XKR4: variants seen among roughly 807,000 people sequenced by gnomAD.
The protein encoded by XKR4 is XK related 4.
XKR4 carries 12 observed loss-of-function variants against 53.9 expected under a neutral mutation model. That is an observed-to-expected ratio of 0.22 (90% CI 0.14 to 0.36). XKR4 has a LOEUF of 0.36. Among genes scored for constraint, XKR4 ranks in the 10% least tolerant of loss-of-function variants. The pLI, the probability that XKR4 is intolerant of heterozygous loss-of-function variation, is 1.00. For synonymous variants in XKR4, 354 were observed against 362.4 expected, an observed-to-expected ratio of 0.98 and a Z score of 0.26; for missense variants, 799 against 859.5, an observed-to-expected ratio of 0.93 and a Z score of 0.88.
intron 2 of XKR4, among the ~76,000 whole-genome samples, chr8:55,428,662 C>A (rs941913186): frequency 6.6e-6 from 1 of 152,228 alleles, no homozygotes; most frequent in African/African-American, 2.4e-5. Flanking sequence ...GGAGCCTGAA[C>A]TTCCACGCCC....
intron 2 of XKR4, chr8:55,455,036 T>G: frequency 1.3e-6 from 1 of 742,864 alleles, no homozygotes; most frequent in Admixed American, 1.9e-5. Context: ...GGCCTCCCAG[T>G]CCTTCTCCGG....
intron 1 of XKR4, among the ~76,000 whole-genome samples, chr8:55,330,148 A>G (rs970030554): frequency 2.6e-5 from 4 of 152,184 alleles, no homozygotes; most frequent in African/African-American, 4.8e-5. Context: ...GGTGATTTTT[A>G]ATTGACATAT....
intron 2 of XKR4, among the ~76,000 whole-genome samples, chr8:55,401,750 T>C (rs1804604568): frequency 6.6e-6 from 1 of 152,238 alleles, no homozygotes. Context: ...GATCCTCTTT[T>C]CACTCAAAGA....
At chr8:55,285,177 AT>A (rs1321372055) in intron 1 of XKR4, among the ~76,000 whole-genome samples, 3 of 152,142 alleles carry the variant, frequency 2.0e-5, no homozygotes, top group African/African-American at 4.8e-5. Flanking sequence ...CAATTCTCTA[AT>A]TTTTTTAATG....
intron 1 of XKR4, among the ~76,000 whole-genome samples, chr8:55,336,200 C>T (rs1322592998): frequency 1.3e-5 from 2 of 151,906 alleles, no homozygotes; most frequent in East Asian, 1.9e-4. Context: ...ATTATGGGGG[C>T]GGGTCTTTTC....
At chr8:55,519,532 G>A (rs1806769338) in intron 2 of XKR4, among the ~76,000 whole-genome samples, 1 of 151,696 alleles carries the variant, frequency 6.6e-6, no homozygotes, top group East Asian at 1.9e-4. Context: ...CAATGTCAGT[G>A]TCATAAAGTC....
chr8:55,521,466 A>G (rs1806796918), intron 2 of XKR4, among the ~76,000 whole-genome samples: 2 of 152,202 alleles, frequency 1.3e-5, no homozygotes, highest in South Asian at 4.1e-4. Flanking sequence ...TAGAAATTAA[A>G]TTATCAGAAA....
intron 2 of XKR4, among the ~76,000 whole-genome samples, chr8:55,425,646 T>A (rs897771334): frequency 6.6e-6 from 1 of 152,184 alleles, no homozygotes. Flanking sequence ...GCCCCTCCGT[T>A]ACCCACGTGA....
In XKR4 at chr8:55,102,577, C is replaced by T. The variant is rs758894459; in HGVS notation, c.89C>T (p.Ser30Leu). 23 of 1,551,842 alleles carry T rather than the reference C, an allele frequency of 1.5e-5. No individual in the cohort carries two copies. The highest frequency in any genetic ancestry group is 1.7e-5 in the Non-Finnish European group (19 of 1,147,344). Reference protein sequence around the residue: ...TPLQNSDHSGSVQGLAPGLPS... With the variant: ...TPLQNSDHSGLVQGLAPGLPS... ...CTGCAGAACTCGGACCACTCGGGCT[C>T]GGTGCAGGGATTGGCTCCAGGCTTG... is the stretch of plus-strand genomic sequence containing the variant. The change falls in exon 1 of 3, where the codon TCG (serine) becomes TTG (leucine). Residue 30 changes from serine (S) to leucine (L), a missense_variant. Physicochemically the swap from Ser to Leu is moderately radical, Grantham distance 145 (BLOSUM62 -2). Coordinates refer to ENST00000327381, the MANE Select transcript of XKR4 (RefSeq NM_052898.2). This position sits in a 1 kb window ranked among gnomAD's most constrained non-coding sequence, Gnocchi z 5.1.
intron 2 of XKR4, among the ~76,000 whole-genome samples, chr8:55,411,707 C>T (rs2929001): frequency 6.6e-6 from 1 of 152,164 alleles, no homozygotes; most frequent in African/African-American, 2.4e-5. Flanking sequence ...CAGCGTCTGT[C>T]TTCCAGCTGA....
intron 1 of XKR4, chr8:55,142,496 A>T (rs1816720362): frequency 6.2e-6 from 1 of 161,816 alleles, no homozygotes; most frequent in African/African-American, 2.4e-5. Flanking sequence ...GTTCAAAATG[A>T]AGAGATTTCT....
chr8:55,374,981 C>T (rs1421263963), intron 2 of XKR4, among the ~76,000 whole-genome samples: 4 of 152,196 alleles, frequency 2.6e-5, no homozygotes, highest in Non-Finnish European at 4.4e-5. Flanking sequence ...TTTCCTGCCT[C>T]TTCCAGCAGT....
At position 55,195,259 on chromosome 8, in the gene XKR4, C is replaced by A. The variant is rs1012824726; in HGVS notation, c.806+91965C>A. ...TAATAATTATCTATCAAAAATATAACGTTTATGTTTTTGATGAATTGTACA... is the reference window on the plus strand; with the variant it reads ...TAATAATTATCTATCAAAAATATAAAGTTTATGTTTTTGATGAATTGTACA... On this transcript the variant is annotated intron_variant, in intron 1 of 2. Transcript: ENST00000327381. 2.3e-5 allele frequency among the ~76,000 whole-genome samples: 3 copies of A among 131,518 alleles called. 1 individual carries two copies. Among genetic ancestry groups the A allele is most frequent in the African/African-American group, 8.1e-5 (3 of 36,994 alleles). The allele number at this position is 131,518 out of a possible 152,430, so 86.3% of individuals were successfully genotyped here. A position where few individuals can be genotyped will look rare whatever the true frequency, so the allele number is the denominator to read the frequency against.
At chr8:55,482,614 G>C (rs10101279) in intron 2 of XKR4, among the ~76,000 whole-genome samples, 52,178 of 151,894 alleles carry the variant, frequency 0.34, 10,855 homozygotes, top group African/African-American at 0.6. Context: ...AGTATTATTC[G>C]ATGATTCATT....
chr8:55,200,348 G>A (rs574201912), intron 1 of XKR4, among the ~76,000 whole-genome samples: 3 of 152,262 alleles, frequency 2.0e-5, no homozygotes, highest in African/African-American at 7.2e-5. Flanking sequence ...GATTACAGGC[G>A]TGAGCCACTG....
chr8:55,359,911 A>T (rs1370086813), intron 2 of XKR4, among the ~76,000 whole-genome samples: 1 of 152,170 alleles, frequency 6.6e-6, no homozygotes, highest in African/African-American at 2.4e-5. Flanking sequence ...CTTTCCTCAC[A>T]TCTAGTGTCC....
rs532058414 is a variant in XKR4 at position 55,532,214 on chromosome 8, A to G, written c.*7987A>G. Reference sequence around the variant, plus strand: ...CCTTAGCGAGTCACATTATGCATTAATAAAAGAGTTGACCTAATAAATGTT... The same window carrying G: ...CCTTAGCGAGTCACATTATGCATTAGTAAAAGAGTTGACCTAATAAATGTT... On this transcript the variant is annotated 3_prime_UTR_variant, in exon 3 of 3. Coordinates refer to ENST00000327381, the MANE Select transcript of XKR4 (RefSeq NM_052898.2). The G allele has an allele frequency of 6.6e-6, 1 of 152,330 alleles. No individual in the cohort carries two copies. Among genetic ancestry groups the G allele is most frequent in the South Asian group, 2.1e-4 (1 of 4,820 alleles). 9.4% of individuals were successfully genotyped at this position (152,330 alleles called of 1,614,324 possible). A position where few individuals can be genotyped will look rare whatever the true frequency, so the allele number is the denominator to read the frequency against.
At position 55,103,133 on chromosome 8, in the gene XKR4, A is replaced by C; in HGVS notation, c.645A>C (p.Gln215His). Residue 215 changes from glutamine (Q) to histidine (H), a missense_variant, in exon 1 of 3, where the codon CAA becomes CAC. Physicochemically the swap from Gln to His is conservative, Grantham distance 24 (BLOSUM62 0). Coordinates refer to ENST00000327381, the MANE Select transcript of XKR4 (RefSeq NM_052898.2). ...GEARPSTPQR[Q>H]ASNASKSNIA... is the part of the protein sequence containing the mutation. ...CTCGTCCTTCCACGCCGCAAAGGCAAGCATCTAACGCCAGCAAGAGCAACA... is the reference window on the plus strand; with the variant it reads ...CTCGTCCTTCCACGCCGCAAAGGCACGCATCTAACGCCAGCAAGAGCAACA... 6.2e-7 allele frequency: 1 copy of C among 1,613,824 alleles called. No homozygotes were observed.
At chr8:55,196,348 A>AT (rs1563480371) in intron 1 of XKR4, among the ~76,000 whole-genome samples, 1 of 151,652 alleles carries the variant, frequency 6.6e-6, no homozygotes, top group African/African-American at 2.4e-5. Flanking sequence ...TGCGCAGCTA[A>AT]TTTTTTGTAT....
Sources: gnomAD v4.1 joint callset for allele counts (sites outside exome capture counted in the v4.1 genomes callset) on GRCh38, gnomAD v4.1.1 for gene constraint, Gnocchi (gnomAD v3.1) non-coding constraint, MANE v1.5 for transcripts, NCBI Gene and HGNC (gene_info 2026-07-23, HGNC 2026-07-21) for gene names.